The following AKT3 variants were observed in gnomAD, a reference collection of about 807,000 sequenced individuals.
The protein encoded by AKT3 is AKT serine/threonine kinase 3.
Under a neutral mutation model 65.3 loss-of-function variants are expected in AKT3, and 15 were observed. That is an observed-to-expected ratio of 0.23 (90% CI 0.15 to 0.35). The LOEUF is 0.35. Among genes scored for constraint, AKT3 ranks in the 10% least tolerant of loss-of-function variants. The probability of loss-of-function intolerance (pLI) is 1.00; values close to 1 mark genes in which losing one functional copy is unlikely to be tolerated. For missense variants in AKT3, 243 were observed against 576.5 expected (o/e 0.42, Z 5.92); for synonymous variants, 206 against 183.8 (o/e 1.12, Z -0.98).
At chr1:243,488,872 C>G (rs1049403228) in intron 13 of AKT3, 6 of 1,136,668 alleles carry the variant, frequency 5.3e-6, no homozygotes, top group Non-Finnish European at 5.2e-6. Context: ...CTAGTGCCAG[C>G]CAGAGCCTGG....
At chr1:243,848,559 C>A (rs1695611640) in intron 1 of AKT3, among the ~76,000 whole-genome samples, 1 of 152,174 alleles carries the variant, frequency 6.6e-6, no homozygotes, top group Non-Finnish European at 1.5e-5. Context: ...TAACCTAAAC[C>A]AATGAGTTTC....
intron 2 of AKT3, among the ~76,000 whole-genome samples, chr1:243,697,940 A>G (rs953790108): frequency 6.6e-6 from 1 of 151,830 alleles, no homozygotes; most frequent in African/African-American, 2.4e-5. Flanking sequence ...TATCCTCCAC[A>G]TAAGTATGTA....
chr1:243,667,098 T>C (rs1273677593), intron 3 of AKT3, among the ~76,000 whole-genome samples: 6 of 152,152 alleles, frequency 3.9e-5, no homozygotes, highest in African/African-American at 9.6e-5. Flanking sequence ...CTCCATTGAG[T>C]GTGTACTGCT....
intron 8 of AKT3, among the ~76,000 whole-genome samples, chr1:243,613,389 A>G (rs773536833): frequency 1.3e-5 from 2 of 152,016 alleles, no homozygotes; most frequent in African/African-American, 4.8e-5. Context: ...ATTTAATAAC[A>G]TGATTTCAAA....
At chr1:243,488,969 G>C (rs771259898) in intron 13 of AKT3, 1 of 1,612,834 alleles carries the variant, frequency 6.2e-7, no homozygotes. Flanking sequence ...CCTGTTGAAA[G>C]GCTGACGTTA....
At chr1:243,554,479 G>C (rs560819154) in intron 10 of AKT3, among the ~76,000 whole-genome samples, 5 of 152,242 alleles carry the variant, frequency 3.3e-5, no homozygotes, top group African/African-American at 1.2e-4. Context: ...TTTGAAATGA[G>C]TAATTTGAGA....
At chr1:243,777,524 T>C (rs746473332) in intron 2 of AKT3, among the ~76,000 whole-genome samples, 12 of 152,218 alleles carry the variant, frequency 7.9e-5, no homozygotes, top group Non-Finnish European at 1.6e-4. Context: ...GGAAGGAATT[T>C]ATCAGGGATC....
chr1:243,640,257 A>C (rs1216803437), intron 5 of AKT3, among the ~76,000 whole-genome samples: 1 of 152,240 alleles, frequency 6.6e-6, no homozygotes, highest in Non-Finnish European at 1.5e-5. Flanking sequence ...ATTAGATTTA[A>C]TTGCATTAAT....
rs185750644 is a variant in AKT3, at chr1:243,503,102, A to G, written c.*2147T>C. The G allele has an allele frequency of 1.7e-4, 37 of 224,170 alleles. No individual in the cohort carries two copies. Among genetic ancestry groups the G allele is most frequent in the Non-Finnish European group, 2.8e-4 (32 of 112,908 alleles). 13.9% of individuals were successfully genotyped at this position (224,170 alleles called of 1,614,324 possible). On this transcript the variant is annotated 3_prime_UTR_variant, in exon 14 of 14. Coordinates refer to ENST00000673466, the MANE Select transcript of AKT3 (RefSeq NM_005465.7). ...GAAACATTCAACATAATTCCAAGTG[A>G]AAAAAAAAAGATTAGCTATGTGTGT...
At chr1:243,561,728 T>C (rs150962242) in intron 10 of AKT3, among the ~76,000 whole-genome samples, 2 of 152,318 alleles carry the variant, frequency 1.3e-5, no homozygotes, top group East Asian at 1.9e-4. Context: ...TGAGGGGAAA[T>C]GGAGCACCAG....
At chr1:243,812,330 AAAAC>A (rs1226985672) in intron 2 of AKT3, among the ~76,000 whole-genome samples, 7 of 152,322 alleles carry the variant, frequency 4.6e-5, no homozygotes, top group South Asian at 2.1e-4. Context: ...TTACAAGAAA[AAAAC>A]AAACAACCCC....
chr1:243,734,129 C>T (rs1687707506), intron 2 of AKT3, among the ~76,000 whole-genome samples: 2 of 152,178 alleles, frequency 1.3e-5, no homozygotes, highest in Admixed American at 1.3e-4. Flanking sequence ...GCACTGTGTA[C>T]TGCTGTATCT....
rs537882442 is a variant in AKT3, at chr1:243,841,543, C to T, written c.46+1582G>A. Among the ~76,000 whole-genome samples, 6 of 152,266 alleles carry T rather than the reference C, an allele frequency of 3.9e-5. No individual in the cohort carries two copies. In the East Asian group the frequency reaches 1.2e-3, roughly 29 times the overall value. On this transcript the variant is annotated intron_variant, in intron 2 of 13. Transcript: ENST00000673466. ...TTCGTAATTTATAACAGGAGAATGA[C>T]ATTGAAAGAAATTACACTTGACAAT...
rs532686264 is a variant in AKT3 at position 243,627,660 on chromosome 1, C to CA, written c.561+9950dup. On this transcript the variant is annotated intron_variant, in intron 6 of 13. Coordinates refer to ENST00000673466, the MANE Select transcript of AKT3 (RefSeq NM_005465.7). The stretch of plus-strand genomic sequence containing the variant: ...ACCACAGGCTGGAGGATAAATCCAG[C>CA]AAATACCCCAGGGTCTAACCAAACT... Among the ~76,000 whole-genome samples the CA allele has an allele frequency of 1.5e-3, 221 of 152,294 alleles. 9 individuals are homozygous for CA. In the South Asian group the frequency reaches 0.045, roughly 31 times the overall value.
At chr1:243,743,551 G>T (rs1162564630) in intron 2 of AKT3, among the ~76,000 whole-genome samples, 1 of 152,188 alleles carries the variant, frequency 6.6e-6, no homozygotes, top group Non-Finnish European at 1.5e-5. Flanking sequence ...TAGACTGAAT[G>T]ATTATGCCAA....
At chr1:243,850,904 G>A (rs1381867109), upstream of AKT3, 1 of 152,100 alleles carries the variant, frequency 6.6e-6, no homozygotes, top group African/African-American at 2.4e-5. Flanking sequence ...CCGAGGCCCG[G>A]GAGCGGAGGC....
intron 3 of AKT3, among the ~76,000 whole-genome samples, chr1:243,674,276 A>T (rs1683352249): frequency 6.6e-6 from 1 of 152,210 alleles, no homozygotes; most frequent in Non-Finnish European, 1.5e-5. Flanking sequence ...CAAACCACAG[A>T]TTATCTGGTA....
chr1:243,537,668 G>A (rs1363662223), intron 12 of AKT3, among the ~76,000 whole-genome samples: 3 of 152,096 alleles, frequency 2.0e-5, no homozygotes, highest in Non-Finnish European at 2.9e-5. Flanking sequence ...CAGTTGCTGC[G>A]TGTCATTTCC....
At chr1:243,583,929 A>T (rs1365183285) in intron 8 of AKT3, among the ~76,000 whole-genome samples, 3 of 151,948 alleles carry the variant, frequency 2.0e-5, no homozygotes, top group Admixed American at 1.3e-4. Context: ...ACAAGAACAA[A>T]CTAACCCATA....
Sources: gnomAD v4.1 joint callset for allele counts (sites outside exome capture counted in the v4.1 genomes callset) on GRCh38, gnomAD v4.1.1 for gene constraint, MANE v1.5 for transcripts, NCBI Gene and HGNC (gene_info 2026-07-23, HGNC 2026-07-21) for gene names.